The following SHMT1 variants were observed in gnomAD, a reference collection of about 807,000 sequenced individuals.
The protein encoded by SHMT1 is serine hydroxymethyltransferase, cytosolic.
A neutral mutation model predicts 49.0 loss-of-function variants in SHMT1; 45 were observed. The ratio of observed to expected loss-of-function variants is 0.92; its 90% CI spans 0.72 to 1.18. SHMT1 has a LOEUF of 1.18. Among genes scored for constraint, SHMT1 ranks in the 50% most tolerant of loss-of-function variants. The probability of loss-of-function intolerance (pLI) is 0.00; values close to 1 mark genes in which losing one functional copy is unlikely to be tolerated. For missense variants in SHMT1, 541 were observed against 612.4 expected, an observed-to-expected ratio of 0.88 and a Z score of 1.23; for synonymous variants, 232 against 246.6, an observed-to-expected ratio of 0.94 and a Z score of 0.55.
chr17:18,329,413 C>T, intron 10 of SHMT1, 25 bp from the exon 11 acceptor site: 12 of 1,566,890 alleles, frequency 7.7e-6, no homozygotes, highest in Non-Finnish European at 1.1e-5. Context: ...GGGCTCTGTC[C>T]CTAAGTCACA....
rs1397019349 is a variant in SHMT1 at position 18,348,398 on chromosome 17, G to A, written c.285C>T (p.Leu95=). 2.5e-6 allele frequency: 4 copies of A among 1,614,050 alleles called. No homozygotes were observed. Among genetic ancestry groups the A allele is most frequent in the Non-Finnish European group, 3.4e-6 (4 of 1,179,902 alleles). The stretch of plus-strand genomic sequence containing the variant: ...AGGCCTGCAGGGCTCGCTTCTGACA[G>A]AGGGTCTCCAGTTCATCAATAAACT... ...GTEFIDELET[L]CQKRALQAYK... Residue 95 remains leucine (L), a synonymous_variant, in exon 4 of 12, where the codon CTC becomes CTT. Coordinates refer to ENST00000316694, the MANE Select transcript of SHMT1 (RefSeq NM_004169.5).
intron 2 of SHMT1, among the ~76,000 whole-genome samples, chr17:18,355,050 CAAAAAAAAAAAAAAAAAAAAAAAA>C (rs768492183): frequency 2.5e-4 from 6 of 24,464 alleles, no homozygotes; most frequent in Non-Finnish European, 4.0e-4. Flanking sequence ...GACTATATCT[CAAAAAAAAAAAAAAAAAAAAAAAA>C]AAAAAAAAAA....
chr17:18,353,733 C>T lies in SHMT1; in HGVS notation c.181G>A (p.Val61Ile). 1.2e-6 allele frequency: 2 copies of T among 1,614,196 alleles called. No homozygotes were observed. The highest frequency in any genetic ancestry group is 8.5e-7 in the Non-Finnish European group (1 of 1,180,034). ...IASENFASRAVLEALGSCLNN... is the reference protein window; with the variant it reads ...IASENFASRAILEALGSCLNN... ...AAGCAAGAGCCTAGGGCCTCCAAAA[C>T]TGCTCGGCTGGCGAAATTCTCCGAG... Residue 61 changes from valine (V) to isoleucine (I), a missense_variant, in exon 3 of 12, where the codon GTT becomes ATT. Physicochemically the swap from Val to Ile is conservative, Grantham distance 29 (BLOSUM62 3). Transcript: ENST00000316694.
At chr17:18,347,403 A>G in intron 5 of SHMT1, 93 bp downstream of exon 5, 1 of 1,390,298 alleles carries the variant, frequency 7.2e-7, no homozygotes, top group Non-Finnish European at 1.0e-6. Context: ...GACTTCCTGT[A>G]GTGACACATA....
chr17:18,348,794 G>A (rs1985378595), intron 3 of SHMT1: 4 of 503,002 alleles, frequency 8.0e-6, no homozygotes, highest in South Asian at 5.7e-5. Context: ...GGGCAATACA[G>A]CAATATCCCC....
intron 1 of SHMT1, among the ~76,000 whole-genome samples, chr17:18,361,289 ACT>A (rs1249976686): frequency 3.9e-5 from 5 of 126,936 alleles, no homozygotes; most frequent in Admixed American, 3.6e-4. Context: ...ACAGAGCAAG[ACT>A]CTGTCTCAAA....
In SHMT1 at chr17:18,340,053, G is replaced by A. The variant is rs143004670; in HGVS notation, c.804C>T (p.Phe268=). ...CATTCGGGAGCTCACCTTTCCTGTA[G>A]AAGATCATGCCAGCTCGGCAGCCTC... ...TLRGCRAGMI[F]YRKGVKSVDP... Residue 268 remains phenylalanine (F), a synonymous_variant, in exon 7 of 12, where the codon TTC becomes TTT. Coordinates refer to ENST00000316694, the MANE Select transcript of SHMT1 (RefSeq NM_004169.5). This position sits in a 1 kb window ranked among gnomAD's most constrained non-coding sequence, Gnocchi z 4.5. 46 of 1,613,482 alleles carry A rather than the reference G, an allele frequency of 2.9e-5. No individual in the cohort carries two copies. Among genetic ancestry groups the A allele is most frequent in the Non-Finnish European group, 3.8e-5 (45 of 1,180,040 alleles).
At chr17:18,351,699 G>A (rs1006619346) in intron 3 of SHMT1, among the ~76,000 whole-genome samples, 3 of 151,992 alleles carry the variant, frequency 2.0e-5, no homozygotes, top group African/African-American at 7.2e-5. Context: ...GCTTGAACCT[G>A]GGAGGTGGAG....
intron 2 of SHMT1, among the ~76,000 whole-genome samples, chr17:18,355,041 A>G (rs1225498260): frequency 1.0e-5 from 1 of 96,070 alleles, no homozygotes; most frequent in Admixed American, 1.4e-4. Context: ...ACAGAGCAAG[A>G]CTATATCTCA....
intron 1 of SHMT1, among the ~76,000 whole-genome samples, chr17:18,361,603 T>C (rs1156400445): frequency 6.6e-6 from 1 of 151,688 alleles, no homozygotes; most frequent in African/African-American, 2.4e-5. Context: ...CTGGCTAACA[T>C]GGTGAAACCC....
At chr17:18,361,030 C>T (rs991713816) in intron 1 of SHMT1, among the ~76,000 whole-genome samples, 1 of 151,638 alleles carries the variant, frequency 6.6e-6, no homozygotes, top group Non-Finnish European at 1.5e-5. Flanking sequence ...ATTAGCTGGG[C>T]GCAGTGGCTC....
At chr17:18,330,051 T>TAGCCTTCTCAATC (rs1983023535) in intron 10 of SHMT1, among the ~76,000 whole-genome samples, 1 of 151,936 alleles carries the variant, frequency 6.6e-6, no homozygotes, top group Admixed American at 6.6e-5. Flanking sequence ...TTCACCGCGT[T>TAGCCTTCTCAATC]AGCCTTCTCA....
intron 1 of SHMT1, among the ~76,000 whole-genome samples, chr17:18,360,943 G>GTGAT (rs1986700490): frequency 6.6e-6 from 1 of 152,164 alleles, no homozygotes; most frequent in African/African-American, 2.4e-5. Flanking sequence ...GCCGAGGTGG[G>GTGAT]TGGATCACTT....
chr17:18,355,092 G>A (rs964152560), intron 2 of SHMT1, among the ~76,000 whole-genome samples: 13 of 131,954 alleles, frequency 9.9e-5, no homozygotes, highest in Admixed American at 3.3e-4. Context: ...AAAAAAGGCC[G>A]GGTGCGGTGG....
chr17:18,329,371 G>A lies in SHMT1; in HGVS notation c.1189C>T (p.Arg397Trp), dbSNP rs140862126. The change falls in exon 11 of 12, where the codon CGG (arginine) becomes TGG (tryptophan). Residue 397 changes from arginine to tryptophan, a missense_variant. Physicochemically the swap from Arg to Trp is moderately radical, Grantham distance 101. Transcript: ENST00000316694. ...GTCCCCAGCCGCAGTCCACTGGGCC[G>A]CAGAGCGCTTCTGTCACCTACAAGA... ...NTCPGDRSALRPSGLRLGTPA... is the reference protein window; with the variant it reads ...NTCPGDRSALWPSGLRLGTPA... 7.0e-5 allele frequency: 113 copies of A among 1,612,248 alleles called. No homozygotes were observed. Among genetic ancestry groups the A allele is most frequent in the Non-Finnish European group, 8.6e-5 (101 of 1,179,772 alleles).
At chr17:18,352,150 C>CTTTTTTTTT (rs60700438) in intron 3 of SHMT1, among the ~76,000 whole-genome samples, 3 of 132,788 alleles carry the variant, frequency 2.3e-5, no homozygotes, top group Non-Finnish European at 1.6e-5. Context: ...CAGTCCCCTT[C>CTTTTTTTTT]TTTTTTTTTT....
At chr17:18,356,292 T>A (rs537992032) in intron 1 of SHMT1, among the ~76,000 whole-genome samples, 1 of 152,134 alleles carries the variant, frequency 6.6e-6, no homozygotes, top group Non-Finnish European at 1.5e-5. Context: ...TCCGCCCACG[T>A]TGGCTTCCCA....
intron 1 of SHMT1, among the ~76,000 whole-genome samples, chr17:18,359,131 G>A (rs925959827): frequency 2.0e-5 from 3 of 151,522 alleles, no homozygotes; most frequent in Non-Finnish European, 4.4e-5. Flanking sequence ...CCAGCTACTT[G>A]GGAGGCTGAG....
chr17:18,359,917 G>A (rs1253241044), intron 1 of SHMT1, among the ~76,000 whole-genome samples: 1 of 149,876 alleles, frequency 6.7e-6, no homozygotes, highest in Non-Finnish European at 1.5e-5. Context: ...CTGCACCGCA[G>A]CCTGGCAACA....
Sources: gnomAD v4.1 joint callset for allele counts (sites outside exome capture counted in the v4.1 genomes callset) on GRCh38, gnomAD v4.1.1 for gene constraint, Gnocchi (gnomAD v3.1) non-coding constraint, MANE v1.5 for transcripts, NCBI Gene and HGNC (gene_info 2026-07-23, HGNC 2026-07-21) for gene names.